The following LYN variants were observed in gnomAD, a reference collection of about 807,000 sequenced individuals.
LYN encodes LYN proto-oncogene, Src family tyrosine kinase.
LYN carries 12 observed loss-of-function variants against 65.0 expected under a neutral mutation model. That is an observed-to-expected ratio of 0.18 (90% confidence interval 0.12 to 0.30). The LOEUF (loss-of-function observed/expected upper bound fraction) is 0.30. LYN is among the 10% of genes least tolerant of loss of function. The pLI is 1.00. For synonymous variants in LYN, 222 were observed against 221.2 expected, an observed-to-expected ratio of 1.00 and a Z score of -0.03; for missense variants, 380 against 623.2, an observed-to-expected ratio of 0.61 and a Z score of 4.16.
chr8:55,925,898 A>G (rs1806095952), intron 1 of LYN, among the ~76,000 whole-genome samples: 1 of 152,248 alleles, frequency 6.6e-6, no homozygotes, highest in South Asian at 2.1e-4. Context: ...ACAGAAGCAT[A>G]CAAGTGTTTA....
chr8:55,923,801 AT>A (rs1278320076), intron 1 of LYN, among the ~76,000 whole-genome samples: 1 of 152,096 alleles, frequency 6.6e-6, no homozygotes, highest in Non-Finnish European at 1.5e-5. Flanking sequence ...CGGCCTCCCA[AT>A]TGTTGGGATT....
intron 1 of LYN, among the ~76,000 whole-genome samples, chr8:55,923,501 A>G (rs1212917722): frequency 6.6e-6 from 1 of 152,202 alleles, no homozygotes; most frequent in Non-Finnish European, 1.5e-5. Context: ...CCGACAGCAG[A>G]AAAAATACAG....
At chr8:55,978,262 C>A (rs2130546207) in intron 10 of LYN, among the ~76,000 whole-genome samples, 1 of 152,246 alleles carries the variant, frequency 6.6e-6, no homozygotes, top group East Asian at 1.9e-4. Flanking sequence ...CCACCGTATA[C>A]AAAAATGATT....
At chr8:55,963,008 C>T (rs929871299) in intron 8 of LYN, among the ~76,000 whole-genome samples, 2 of 152,204 alleles carry the variant, frequency 1.3e-5, no homozygotes, top group African/African-American at 4.8e-5. Context: ...CGGGGATGGC[C>T]CCAAGCCATT....
chr8:55,959,606 A>T (rs1377778525), intron 8 of LYN, among the ~76,000 whole-genome samples: 4 of 152,038 alleles, frequency 2.6e-5, no homozygotes, highest in Non-Finnish European at 4.4e-5. Flanking sequence ...TTGCTTTTTA[A>T]TTTTTTTTAT....
In LYN at chr8:55,999,530, T is replaced by C. The variant is rs766869389; in HGVS notation, c.1317T>C (p.Tyr439=). ...FGILLYEIVT[Y]GKIPYPGRTN... is the part of the protein sequence containing the mutation. ...TCCTCCTATACGAAATTGTCACCTA[T>C]GGGAAAATTCCCTACCCAGGTATGG... The change falls in exon 12 of 13, where the codon TAT becomes TAC. Residue 439 remains tyrosine (Y), a synonymous_variant. Coordinates refer to ENST00000519728, the MANE Select transcript of LYN (RefSeq NM_002350.4). 1 of 1,613,804 alleles carries C rather than the reference T, an allele frequency of 6.2e-7. No homozygotes were observed. The highest frequency in any genetic ancestry group is 8.5e-7 in the Non-Finnish European group (1 of 1,179,646).
At chr8:55,998,165 T>C (rs536878471) in intron 10 of LYN, among the ~76,000 whole-genome samples, 181 bp from the exon 11 acceptor site, 2 of 151,702 alleles carry the variant, frequency 1.3e-5, no homozygotes, top group Admixed American at 6.6e-5. Flanking sequence ...CAGAGGGTGG[T>C]CAGTTATTTT....
At chr8:55,934,704 C>T (rs903997962) in intron 1 of LYN, among the ~76,000 whole-genome samples, 6 of 152,174 alleles carry the variant, frequency 3.9e-5, no homozygotes, top group African/African-American at 1.4e-4. Flanking sequence ...CTTATTCAGA[C>T]CCAGAGACAT....
At chr8:55,987,948 G>T (rs1050825352) in intron 10 of LYN, among the ~76,000 whole-genome samples, 2 of 152,188 alleles carry the variant, frequency 1.3e-5, no homozygotes, top group Non-Finnish European at 2.9e-5. Context: ...CTAATACATG[G>T]TAGCAATCAT....
intron 8 of LYN, among the ~76,000 whole-genome samples, chr8:55,965,786 G>GT (rs1020290875): frequency 1.7e-4 from 26 of 151,756 alleles, no homozygotes; most frequent in African/African-American, 4.6e-4. Context: ...GTTTTGTTTT[G>GT]TTTTTTTTGG....
Position 56,009,915 on chromosome 8 carries a change from T to C in LYN, c.1344T>C (p.Thr448=), listed in dbSNP as rs1011959896. The change falls in exon 13 of 13, where the codon ACT becomes ACC. Residue 448 remains threonine, a synonymous_variant. Coordinates refer to ENST00000519728, the MANE Select transcript of LYN (RefSeq NM_002350.4). ...TGTTTTTTTCCACCCTAGGGAGAAC[T>C]AATGCCGACGTGATGACCGCCCTGT... is the stretch of plus-strand genomic sequence containing the variant. The part of the protein sequence containing the change: ...TYGKIPYPGR[T]NADVMTALSQ... 6.2e-7 allele frequency: 1 copy of C among 1,613,896 alleles called. No individual in the cohort carries two copies. The highest frequency in any genetic ancestry group is 1.7e-5 in the Admixed American group (1 of 60,002).
chr8:55,944,437 T>C (rs1238918472), intron 2 of LYN, among the ~76,000 whole-genome samples: 1 of 152,136 alleles, frequency 6.6e-6, no homozygotes, highest in Non-Finnish European at 1.5e-5. Flanking sequence ...TGCTATAGAT[T>C]TTGTAGGTTT....
At chr8:55,991,257 G>A (rs769656457) in intron 10 of LYN, among the ~76,000 whole-genome samples, 9 of 152,210 alleles carry the variant, frequency 5.9e-5, no homozygotes, top group Non-Finnish European at 1.3e-4. Flanking sequence ...TTTCACACCA[G>A]CAGTGGGGGA....
chr8:55,917,539 G>A (rs1805812377), intron 1 of LYN, among the ~76,000 whole-genome samples: 1 of 152,206 alleles, frequency 6.6e-6, no homozygotes, highest in Admixed American at 6.5e-5. Context: ...AACTTGTGGA[G>A]TGGAGGGAGT....
chr8:55,967,785 A>T lies in LYN; in HGVS notation c.973+888A>T, dbSNP rs147705881. On this transcript the variant is annotated intron_variant, in intron 9 of 12. Coordinates refer to ENST00000519728, the MANE Select transcript of LYN (RefSeq NM_002350.4). ...AGCAATCAATTTTTCTTCTACTGTG[A>T]TCACCTTCATATACAAGACTTTGAA... Among the ~76,000 whole-genome samples, 16 of 152,318 alleles carry T rather than the reference A, an allele frequency of 1.1e-4. 1 individual carries two copies. The East Asian group carries it at 3.1e-3, about 29-fold the overall frequency.
intron 2 of LYN, among the ~76,000 whole-genome samples, chr8:55,946,146 AAAT>A (rs1237220370): frequency 6.6e-6 from 1 of 152,186 alleles, no homozygotes; most frequent in East Asian, 1.9e-4. Context: ...CTGCCACCCC[AAAT>A]AATATTAGGG....
intron 1 of LYN, among the ~76,000 whole-genome samples, chr8:55,919,866 C>T (rs1195679717): frequency 2.2e-5 from 3 of 135,684 alleles, no homozygotes; most frequent in African/African-American, 8.2e-5. Flanking sequence ...TGCTTGGAGG[C>T]AACTTTATAA....
At chr8:55,910,596 G>C (rs1805571745) in intron 1 of LYN, among the ~76,000 whole-genome samples, 1 of 152,110 alleles carries the variant, frequency 6.6e-6, no homozygotes, top group African/African-American at 2.4e-5. Flanking sequence ...CTCTAGCTTT[G>C]CTCCTTCTGG....
rs554196770 is a variant in LYN, at chr8:55,994,457, T to A, written c.1051-3889T>A. On this transcript the variant is annotated intron_variant, in intron 10 of 12. Coordinates refer to ENST00000519728, the MANE Select transcript of LYN (RefSeq NM_002350.4). Reference sequence around the variant, plus strand: ...TTATTATTTCTGAGAATCATTTTTTTAAATGCACTCAGATTTATGCAAATG... The same window carrying A: ...TTATTATTTCTGAGAATCATTTTTTAAAATGCACTCAGATTTATGCAAATG... 2.0e-4 allele frequency among the ~76,000 whole-genome samples: 30 copies of A among 152,356 alleles called. 1 individual carries two copies. Among genetic ancestry groups the A allele is most frequent in the African/African-American group, 6.7e-4 (28 of 41,576 alleles).
Sources: allele counts gnomAD v4.1 joint callset (sites outside exome capture counted in the v4.1 genomes callset), GRCh38; gene constraint gnomAD v4.1.1; transcripts MANE v1.5; gene names NCBI Gene and HGNC (gene_info 2026-07-23, HGNC 2026-07-21).